Variants in KLF12 observed in about 807,000 individuals in gnomAD.
The protein encoded by KLF12 is Krueppel-like factor 12.
Under a neutral mutation model 37.8 loss-of-function variants are expected in KLF12, and 9 were observed. The observed-to-expected ratio is 0.24, with a 90% CI of 0.14 to 0.42. The LOEUF is 0.42. Among genes scored for constraint, KLF12 ranks in the 10% least tolerant of loss-of-function variants. KLF12 has a pLI of 1.00. For synonymous variants in KLF12, 208 were observed against 202.1 expected, an observed-to-expected ratio of 1.03 and a Z score of -0.25; for missense variants, 411 against 516.0, an observed-to-expected ratio of 0.80 and a Z score of 1.97.
chr13:73,803,100 T>A (rs1391191178), intron 5 of KLF12, among the ~76,000 whole-genome samples: 2 of 152,352 alleles, frequency 1.3e-5, no homozygotes, highest in African/African-American at 2.4e-5. Flanking sequence ...GTTAGACAAG[T>A]ATTTACAGAT....
intron 1 of KLF12, among the ~76,000 whole-genome samples, chr13:74,061,047 A>C (rs1321166743): frequency 6.6e-6 from 1 of 152,194 alleles, no homozygotes; most frequent in African/African-American, 2.4e-5. Context: ...CACAAACAAA[A>C]ATGCAGCTAT....
rs11418994 is a variant in KLF12, at chr13:74,057,967, A to ATT, written c.-31-62916_-31-62915dup. Among the ~76,000 whole-genome samples the ATT allele has an allele frequency of 3.4e-3, 480 of 141,732 alleles. 6 individuals are homozygous for ATT. Among genetic ancestry groups the ATT allele is most frequent in the African/African-American group, 0.011 (442 of 38,810 alleles). The allele number at this position is 141,732 out of a possible 152,430, so 93.0% of individuals were successfully genotyped here. On this transcript the variant is annotated intron_variant, in intron 1 of 7. Transcript: ENST00000377669. ...CATGCAGCCACTTTATAGCTATGTA[A>ATT]TTTTTTTTTTTTTTTTTGAGATGGA...
At chr13:74,077,284 T>C (rs535945883) in intron 1 of KLF12, among the ~76,000 whole-genome samples, 3 of 152,314 alleles carry the variant, frequency 2.0e-5, no homozygotes, top group African/African-American at 7.2e-5. Context: ...ACATTCAAAC[T>C]ACAGCACTGT....
At chr13:73,781,099 T>A (rs926702799) in intron 5 of KLF12, among the ~76,000 whole-genome samples, 1 of 152,228 alleles carries the variant, frequency 6.6e-6, no homozygotes, top group Non-Finnish European at 1.5e-5. Context: ...CAGAGGGTCA[T>A]AATGTTTTTG....
chr13:74,056,974 C>T (rs1475478382), intron 1 of KLF12, among the ~76,000 whole-genome samples: 2 of 152,142 alleles, frequency 1.3e-5, no homozygotes, highest in Non-Finnish European at 2.9e-5. Flanking sequence ...TGGGTGTGGG[C>T]ACAGGAGCCA....
intron 2 of KLF12, among the ~76,000 whole-genome samples, chr13:73,992,784 G>C (rs1209039580): frequency 6.6e-6 from 1 of 152,170 alleles, no homozygotes. Flanking sequence ...TGTAAAAAAA[G>C]ATAAATTTTC....
At chr13:73,985,312 T>A (rs1891799536) in intron 2 of KLF12, among the ~76,000 whole-genome samples, 1 of 152,222 alleles carries the variant, frequency 6.6e-6, no homozygotes, top group Admixed American at 6.5e-5. Context: ...TTTGCAGCAA[T>A]GGATGATGAA....
intron 6 of KLF12, among the ~76,000 whole-genome samples, chr13:73,740,766 A>G (rs1005672240): frequency 6.6e-6 from 1 of 152,182 alleles, no homozygotes; most frequent in African/African-American, 2.4e-5. Context: ...GACACCCTCT[A>G]GGAGTCCTGC....
chr13:73,704,753 C>T (rs1348377688), intron 7 of KLF12, among the ~76,000 whole-genome samples: 1 of 152,060 alleles, frequency 6.6e-6, no homozygotes, highest in Non-Finnish European at 1.5e-5. Context: ...GTTTTCCTCT[C>T]TGTCCGACTC....
the KLF12 span, among the ~76,000 whole-genome samples, chr13:74,151,742 A>G: frequency 6.6e-6 from 1 of 152,188 alleles, no homozygotes; most frequent in Non-Finnish European, 1.5e-5. Flanking sequence ...GAAATGATTG[A>G]AGCTTATAAA....
At chr13:73,716,269 G>T (rs980981507) in intron 6 of KLF12, among the ~76,000 whole-genome samples, 20 of 152,114 alleles carry the variant, frequency 1.3e-4, no homozygotes, top group Admixed American at 1.2e-3. Context: ...TCAGGTAATT[G>T]ACTAACATGT....
the KLF12 span, among the ~76,000 whole-genome samples, chr13:74,173,390 TC>T: frequency 6.6e-6 from 1 of 152,314 alleles, no homozygotes; most frequent in South Asian, 2.1e-4. Context: ...GGGCCACCTT[TC>T]CCAGCCCTTC....
chr13:73,858,476 C>T (rs1885727868), intron 3 of KLF12, among the ~76,000 whole-genome samples: 1 of 152,168 alleles, frequency 6.6e-6, no homozygotes. Context: ...TCCCAAACTG[C>T]TGCATTACCG....
chr13:74,222,275 GC>G, the KLF12 span, among the ~76,000 whole-genome samples: 1 of 152,182 alleles, frequency 6.6e-6, no homozygotes, highest in Non-Finnish European at 1.5e-5. Flanking sequence ...TTAACATTTG[GC>G]ATTCTCCTCA....
At chr13:74,041,420 G>A (rs1207333903) in intron 1 of KLF12, among the ~76,000 whole-genome samples, 2 of 152,170 alleles carry the variant, frequency 1.3e-5, no homozygotes, top group Middle Eastern at 3.4e-3. Context: ...GATAAGACAC[G>A]GCTCACAGGA....
intron 3 of KLF12, among the ~76,000 whole-genome samples, chr13:73,877,879 C>G (rs1886793541): frequency 6.6e-6 from 1 of 152,150 alleles, no homozygotes; most frequent in Non-Finnish European, 1.5e-5. Flanking sequence ...CTAAAGAGAA[C>G]AGGTATTCCC....
At chr13:74,271,184 C>A in the KLF12 span, among the ~76,000 whole-genome samples, 1 of 152,140 alleles carries the variant, frequency 6.6e-6, no homozygotes, top group African/African-American at 2.4e-5. Flanking sequence ...ACAGTTTCAT[C>A]CCGAAACCAT....
At chr13:73,713,378 G>A (rs1299082880) in intron 7 of KLF12, among the ~76,000 whole-genome samples, 1 of 152,158 alleles carries the variant, frequency 6.6e-6, no homozygotes, top group South Asian at 2.1e-4. Context: ...TACTAATGTG[G>A]GAACAATAGT....
intron 7 of KLF12, among the ~76,000 whole-genome samples, chr13:73,704,730 G>C (rs964590058): frequency 6.6e-6 from 1 of 152,100 alleles, no homozygotes; most frequent in Non-Finnish European, 1.5e-5. Flanking sequence ...TTCACACCAC[G>C]CTGTGATTGA....
Sources: gnomAD v4.1 joint callset for allele counts (sites outside exome capture counted in the v4.1 genomes callset) on GRCh38, gnomAD v4.1.1 for gene constraint, MANE v1.5 for transcripts, NCBI Gene and HGNC (gene_info 2026-07-23, HGNC 2026-07-21) for gene names.